Variants in DSC2 observed in about 807,000 individuals in gnomAD.
DSC2 encodes the protein desmocollin-2.
A neutral mutation model predicts 87.6 loss-of-function variants in DSC2; 51 were observed. The observed-to-expected ratio is 0.58, with a 90% CI of 0.46 to 0.74. The LOEUF (loss-of-function observed/expected upper bound fraction) is 0.74. Ranked by LOEUF, DSC2 falls within the 30% of genes least tolerant of loss-of-function variation. The pLI is 0.00. For synonymous variants in DSC2, 383 were observed against 393.2 expected (o/e 0.97, Z 0.31); for missense variants, 1,066 against 1,089.5 (o/e 0.98, Z 0.30).
chr18:31,066,974 C>T lies in DSC2; in HGVS notation c.*1041G>A. On this transcript the variant is annotated 3_prime_UTR_variant, in exon 16 of 16. Coordinates refer to ENST00000280904, the MANE Select transcript of DSC2 (RefSeq NM_024422.6). ...AATATCCACATCCCAATTCTAATTA[C>T]ACCATTCTTGTTGTTAACACAGAGC... 6.6e-6 allele frequency: 1 copy of T among 152,064 alleles called. No individual in the cohort carries two copies. The highest frequency in any genetic ancestry group is 1.9e-4 in the East Asian group (1 of 5,194). 9.4% of individuals were successfully genotyped at this position (152,064 alleles called of 1,614,324 possible). A position where few individuals can be genotyped will look rare whatever the true frequency, so the allele number is the denominator to read the frequency against.
intron 1 of DSC2, among the ~76,000 whole-genome samples, chr18:31,095,655 C>T (rs1462781753): frequency 6.6e-6 from 1 of 152,066 alleles, no homozygotes; most frequent in Non-Finnish European, 1.5e-5. Flanking sequence ...ATGAATTCAA[C>T]AAATATTTAC....
rs553438219 is a variant in DSC2, at chr18:31,100,864, A to G, written c.69+1039T>C. Among the ~76,000 whole-genome samples, 205 of 152,168 alleles carry G rather than the reference A, an allele frequency of 1.3e-3. 1 individual carries two copies. The highest frequency in any genetic ancestry group is 4.2e-3 in the African/African-American group (173 of 41,524). ...TCTTCCAGGGAGCCAGGAAAAGTCC[A>G]ATCGGACTTTTTATATCCCCAATTC... On this transcript the variant is annotated intron_variant, in intron 1 of 15. Coordinates refer to ENST00000280904, the MANE Select transcript of DSC2 (RefSeq NM_024422.6).
rs1244869241 is a variant in DSC2 at position 31,097,602 on chromosome 18, C to A, written c.70-3959G>T. The stretch of plus-strand genomic sequence containing the variant: ...GATAGGAAAATTATTTTTTAAAAAG[C>A]AATGAAAGGCTATCAACCCTAGCAG... On this transcript the variant is annotated intron_variant, in intron 1 of 15. Transcript: ENST00000280904. Among the ~76,000 whole-genome samples the A allele has an allele frequency of 4.0e-5, 6 of 151,550 alleles. No homozygotes were observed. The East Asian group carries it at 9.6e-4, about 24-fold the overall frequency.
In DSC2 at chr18:31,071,651, T is replaced by C. The variant is rs770883208; in HGVS notation, c.2079A>G (p.Gly693=). Residue 693 remains glycine, a synonymous_variant, in exon 13 of 16, where the codon GGA becomes GGG. Transcript: ENST00000280904. ...ACAATATTGCAAGGATGGCCCACTT[T>C]CCAAGTTGTACTCCTCCACCGCCAA... ...PRIGGGGVQL[G]KWAILAILLG... is the part of the protein sequence containing the mutation. 6.2e-7 allele frequency: 1 copy of C among 1,614,132 alleles called. No individual in the cohort carries two copies. Among genetic ancestry groups the C allele is most frequent in the Admixed American group, 1.7e-5 (1 of 60,016 alleles).
At chr18:31,082,188 G>A (rs1240306122) in intron 9 of DSC2, 50 bp downstream of exon 9, 5 of 1,521,138 alleles carry the variant, frequency 3.3e-6, no homozygotes, top group Non-Finnish European at 4.5e-6. Context: ...ATTCTAGCAT[G>A]CTATTCTATG....
rs1462193021 is a variant in DSC2, at chr18:31,064,054, T to C, written c.*3961A>G. ...CTGGGGTACTGGCGGGGGGGAATAT[T>C]GATCAGGAATGAAGTGAAGAGTGGG... On this transcript the variant is annotated 3_prime_UTR_variant, in exon 16 of 16. Coordinates refer to ENST00000280904, the MANE Select transcript of DSC2 (RefSeq NM_024422.6). 6.6e-6 allele frequency: 1 copy of C among 152,554 alleles called. No individual in the cohort carries two copies. Among genetic ancestry groups the C allele is most frequent in the East Asian group, 1.9e-4 (1 of 5,208 alleles). The allele number at this position is 152,554 out of a possible 1,614,324, so 9.5% of individuals were successfully genotyped here. A position where few individuals can be genotyped will look rare whatever the true frequency, so the allele number is the denominator to read the frequency against.
At position 31,067,932 on chromosome 18, in the gene DSC2, C is replaced by A; in HGVS notation, c.*83G>T. On this transcript the variant is annotated 3_prime_UTR_variant, in exon 16 of 16. Transcript: ENST00000280904. ...AGAGAAAAACCCCCACAAATAGCAT[C>A]TTCTGCTTTAAAAAATTCTTGGTTT... 1.5e-6 allele frequency: 2 copies of A among 1,311,006 alleles called. No homozygotes were observed. Among genetic ancestry groups the A allele is most frequent in the South Asian group, 2.5e-5 (2 of 80,830 alleles). 81.2% of individuals were successfully genotyped at this position (1,311,006 alleles called of 1,614,324 possible).
chr18:31,067,955 T>C lies in DSC2; in HGVS notation c.*60A>G. On this transcript the variant is annotated 3_prime_UTR_variant, in exon 16 of 16. Coordinates refer to ENST00000280904, the MANE Select transcript of DSC2 (RefSeq NM_024422.6). ...ATCTTCTGCTTTAAAAAATTCTTGG[T>C]TTGTAATTTTTTTTAAAAGTCATAA... 1 of 1,537,990 alleles carries C rather than the reference T, an allele frequency of 6.5e-7. No individual in the cohort carries two copies.
In DSC2 at chr18:31,067,593, G is replaced by T. The variant is rs769685892; in HGVS notation, c.*422C>A. ...ACTTTAGATGTTCAGGAAAACAACA[G>T]TTTCCAAGCACCACATGAACACTTA... On this transcript the variant is annotated 3_prime_UTR_variant, in exon 16 of 16. Coordinates refer to ENST00000280904, the MANE Select transcript of DSC2 (RefSeq NM_024422.6). 2 of 195,244 alleles carry T rather than the reference G, an allele frequency of 1.0e-5. No individual in the cohort carries two copies. Among genetic ancestry groups the T allele is most frequent in the Non-Finnish European group, 2.1e-5 (2 of 94,818 alleles). 12.1% of individuals were successfully genotyped at this position (195,244 alleles called of 1,614,324 possible).
intron 2 of DSC2, 42 bp from the exon 3 acceptor site, chr18:31,092,342 T>C: frequency 6.5e-7 from 1 of 1,549,966 alleles, no homozygotes; most frequent in East Asian, 2.3e-5. Context: ...AAGTAAAACA[T>C]AGGATATAGT....
chr18:31,093,499 C>T, intron 2 of DSC2, 60 bp downstream of exon 2: 1 of 1,332,758 alleles, frequency 7.5e-7, no homozygotes, highest in South Asian at 1.2e-5. Context: ...GTGTAGTATT[C>T]CATGGCGTAT....
intron 5 of DSC2, among the ~76,000 whole-genome samples, chr18:31,088,462 G>C (rs1325526065): frequency 6.6e-6 from 1 of 152,030 alleles, no homozygotes; most frequent in East Asian, 1.9e-4. Flanking sequence ...GAACATCCTA[G>C]GTACTCAGAA....
intron 1 of DSC2, among the ~76,000 whole-genome samples, chr18:31,097,192 G>A (rs1472856478): frequency 1.3e-5 from 2 of 151,850 alleles, no homozygotes; most frequent in Non-Finnish European, 2.9e-5. Context: ...GGAGGCTGAG[G>A]GAGGAGAATG....
At chr18:31,090,884 T>A (rs919783093) in intron 4 of DSC2, 144 bp downstream of exon 4, 3 of 1,217,578 alleles carry the variant, frequency 2.5e-6, no homozygotes, top group Non-Finnish European at 2.3e-6. Context: ...GATATATTTA[T>A]ACCCTTATAT....
Position 31,068,013 on chromosome 18 carries a change from A to T in DSC2, c.*2T>A. 1 of 1,609,388 alleles carries T rather than the reference A, an allele frequency of 6.2e-7. No homozygotes were observed. The highest frequency in any genetic ancestry group is 8.5e-7 in the Non-Finnish European group (1 of 1,175,874). On this transcript the variant is annotated 3_prime_UTR_variant, in exon 16 of 16. Transcript: ENST00000280904. ...GGCTTTCAGAGACTTATTAGAACAC[A>T]CTCATCTCTTCATGCATGCTTCTGC...
In DSC2 at chr18:31,062,858, A is replaced by G. The variant is rs1986527147; in HGVS notation, c.*5157T>C. Reference sequence around the variant, plus strand: ...TTCCTGTATTAAGCTGTGAATGCAAACAATTGTTCTAGTCATTCAATGTCT... The same window carrying G: ...TTCCTGTATTAAGCTGTGAATGCAAGCAATTGTTCTAGTCATTCAATGTCT... On this transcript the variant is annotated 3_prime_UTR_variant, in exon 16 of 16. Transcript: ENST00000280904. 6.6e-6 allele frequency: 1 copy of G among 152,154 alleles called. No homozygotes were observed. The highest frequency in any genetic ancestry group is 2.4e-5 in the African/African-American group (1 of 41,408). The allele number at this position is 152,154 out of a possible 1,614,324, so 9.4% of individuals were successfully genotyped here.
chr18:31,080,261 G>A lies in DSC2; in HGVS notation c.1355C>T (p.Ala452Val). The A allele has an allele frequency of 6.2e-7, 1 of 1,613,942 alleles. No homozygotes were observed. The highest frequency in any genetic ancestry group is 1.1e-5 in the South Asian group (1 of 91,076). The change falls in exon 10 of 16, where the codon GCC becomes GTC. Residue 452 changes from alanine (A) to valine (V), a missense_variant. By Grantham distance (64) the Ala-to-Val change is moderately conservative. Transcript: ENST00000280904. The part of the protein sequence containing the change: ...PFSREASPRS[A>V]MSTATVTVNV... ...AACAGTAACTGTTGCTGTGCTCATGGCTGATCTTGGACTAGCCTCTCTGGA... is the reference window on the plus strand; with the variant it reads ...AACAGTAACTGTTGCTGTGCTCATGACTGATCTTGGACTAGCCTCTCTGGA...
At chr18:31,092,364 T>C in intron 2 of DSC2, 64 bp from the exon 3 acceptor site, 3 of 1,442,780 alleles carry the variant, frequency 2.1e-6, no homozygotes, top group East Asian at 2.3e-5. Flanking sequence ...TTAACAGTAA[T>C]GTATGCACGT....
chr18:31,079,969 G>T lies in DSC2; in HGVS notation c.1541C>A (p.Pro514Gln). ...TTCATCAATGGTGACCCACCCTGTT[G>T]GATCAGTTAATTTCTTATACCTGTT... The part of the protein sequence containing the change: ...SGIRYKKLTD[P>Q]TGWVTIDENT... Residue 514 changes from proline (P) to glutamine (Q), a missense_variant, in exon 11 of 16, where the codon CCA (proline) becomes CAA (glutamine). By Grantham distance (76) the Pro-to-Gln change is moderately conservative. Coordinates refer to ENST00000280904, the MANE Select transcript of DSC2 (RefSeq NM_024422.6). 1 of 1,613,650 alleles carries T rather than the reference G, an allele frequency of 6.2e-7. No homozygotes were observed. Among genetic ancestry groups the T allele is most frequent in the Non-Finnish European group, 8.5e-7 (1 of 1,179,864 alleles).
Sources: gnomAD v4.1 joint callset for allele counts (sites outside exome capture counted in the v4.1 genomes callset) on GRCh38, gnomAD v4.1.1 for gene constraint, MANE v1.5 for transcripts, NCBI Gene and HGNC (gene_info 2026-07-23, HGNC 2026-07-21) for gene names.